The following MMP20 variants were observed in gnomAD, a reference collection of about 807,000 sequenced individuals.
MMP20 encodes matrix metalloproteinase-20.
Under a neutral mutation model 51.8 loss-of-function variants are expected in MMP20, and 50 were observed. The ratio of observed to expected loss-of-function variants is 0.97; its 90% confidence interval spans 0.77 to 1.22. MMP20 has a LOEUF of 1.22. Ranked by LOEUF, MMP20 falls within the 50% of genes most tolerant of loss-of-function variation. The pLI, the probability that MMP20 is intolerant of heterozygous loss-of-function variation, is 0.00. For missense variants in MMP20, 663 were observed against 601.4 expected, an observed-to-expected ratio of 1.10 and a Z score of -1.07; for synonymous variants, 244 against 216.2, an observed-to-expected ratio of 1.13 and a Z score of -1.13.
chr11:102,586,125 G>A (rs1859251933), intron 8 of MMP20, among the ~76,000 whole-genome samples: 1 of 152,148 alleles, frequency 6.6e-6, no homozygotes, highest in South Asian at 2.1e-4. Context: ...GAGTTAGGTA[G>A]TGTTTTCCAC....
intron 6 of MMP20, among the ~76,000 whole-genome samples, chr11:102,601,125 C>CTTTTTTTTTTTTTTTTTTT (rs1168517234): frequency 3.5e-5 from 1 of 28,266 alleles, no homozygotes; most frequent in African/African-American, 1.7e-4. Flanking sequence ...GTCGGCTATT[C>CTTTTTTTTTTTTTTTTTTT]TTTTTTTTTT....
intron 8 of MMP20, among the ~76,000 whole-genome samples, chr11:102,580,252 A>G (rs895691785): frequency 6.6e-6 from 1 of 152,254 alleles, no homozygotes; most frequent in Non-Finnish European, 1.5e-5. Context: ...GTGAGTCAGC[A>G]TGACTTGTAT....
At chr11:102,621,445 T>C (rs1859749821) in intron 1 of MMP20, among the ~76,000 whole-genome samples, 1 of 152,230 alleles carries the variant, frequency 6.6e-6, no homozygotes, top group African/African-American at 2.4e-5. Flanking sequence ...GGCAATTCTT[T>C]TAATTTCTTG....
In MMP20 at chr11:102,611,762, T is replaced by G. The variant is rs751882472; in HGVS notation, c.516A>C (p.Glu172Asp). 1.2e-6 allele frequency: 2 copies of G among 1,613,950 alleles called. No individual in the cohort carries two copies. Among genetic ancestry groups the G allele is most frequent in the East Asian group, 2.2e-5 (1 of 44,892 alleles). ...SGEADIMISF[E>D]NGDHGDSYPF... ...ATCCAAGTACCACAATACCTCCATTTTCAAAAGATATCATAATATCCGCTT... is the reference window on the plus strand; with the variant it reads ...ATCCAAGTACCACAATACCTCCATTGTCAAAAGATATCATAATATCCGCTT... The change falls in exon 3 of 10, where the codon GAA becomes GAC. Residue 172 changes from glutamate to aspartate, a missense_variant. Transcript: ENST00000260228.
chr11:102,597,108 A>G (rs1186741157), intron 6 of MMP20, among the ~76,000 whole-genome samples: 1 of 152,202 alleles, frequency 6.6e-6, no homozygotes, highest in Non-Finnish European at 1.5e-5. Flanking sequence ...GAGGTAGAGG[A>G]GCAGATATGT....
intron 1 of MMP20, among the ~76,000 whole-genome samples, chr11:102,622,879 T>C (rs1224084801): frequency 6.6e-6 from 1 of 152,250 alleles, no homozygotes; most frequent in Non-Finnish European, 1.5e-5. Context: ...TGTTATATAA[T>C]GTTTCTATAA....
intron 1 of MMP20, among the ~76,000 whole-genome samples, chr11:102,618,564 T>C (rs1171779497): frequency 6.6e-6 from 1 of 151,910 alleles, no homozygotes; most frequent in East Asian, 1.9e-4. Flanking sequence ...AAATAAATAT[T>C]TAATGGTATG....
intron 2 of MMP20, 47 bp from the exon 3 acceptor site, chr11:102,611,950 A>T (rs189382069): frequency 6.4e-7 from 1 of 1,570,744 alleles, no homozygotes; most frequent in Non-Finnish European, 8.8e-7. Flanking sequence ...ACTGCTCCGA[A>T]GAAGGCAAGA....
Position 102,613,249 on chromosome 11 carries a change from A to C in MMP20, c.375-1346T>G, listed in dbSNP as rs568554675. On this transcript the variant is annotated intron_variant, in intron 2 of 9. Transcript: ENST00000260228. ...CCAGGGTCTGGGGATTTCTGGCAGC[A>C]CACAAAGGAAAGGCAGGGAGGGCAA... Among the ~76,000 whole-genome samples, 5 of 152,270 alleles carry C rather than the reference A, an allele frequency of 3.3e-5. No individual in the cohort carries two copies. The South Asian group carries it at 1.0e-3, about 32-fold the overall frequency.
chr11:102,604,405 A>T (rs117499439), intron 6 of MMP20, among the ~76,000 whole-genome samples: 4,219 of 152,352 alleles, frequency 0.028, 66 homozygotes, highest in Middle Eastern at 0.065. Context: ...AATCATCAGA[A>T]AATTAATAAC....
At chr11:102,595,982 C>T (rs891937928) in intron 6 of MMP20, among the ~76,000 whole-genome samples, 1 of 152,140 alleles carries the variant, frequency 6.6e-6, no homozygotes, top group African/African-American at 2.4e-5. Context: ...GTAGAGTTTT[C>T]CTATTCAGTT....
chr11:102,594,771 CAAAAAAAAAA>C lies in MMP20; in HGVS notation c.954-24_954-15del, dbSNP rs144425539. The C allele has an allele frequency of 2.1e-6, 3 of 1,403,682 alleles. No individual in the cohort carries two copies. Among genetic ancestry groups the C allele is most frequent in the East Asian group, 2.6e-5 (1 of 38,038 alleles). The allele number at this position is 1,403,682 out of a possible 1,614,324, so 87.0% of individuals were successfully genotyped here. On this transcript the variant is annotated splice_polypyrimidine_tract_variant and intron_variant, in intron 6 of 9. Coordinates refer to ENST00000260228, the MANE Select transcript of MMP20 (RefSeq NM_004771.4). ...CTCCAGAAAATCCTATGGGACATTC[CAAAAAAAAAA>C]AAAAAAAAAATCAAGATCAATGATT...
intron 8 of MMP20, among the ~76,000 whole-genome samples, chr11:102,590,728 C>G (rs532897739): frequency 6.6e-6 from 1 of 152,316 alleles, no homozygotes; most frequent in South Asian, 2.1e-4. Context: ...TATTCCATAA[C>G]TTGAGGCTTG....
chr11:102,600,043 C>T (rs1859427662), intron 6 of MMP20, among the ~76,000 whole-genome samples: 1 of 152,220 alleles, frequency 6.6e-6, no homozygotes. Context: ...GACAATGAGT[C>T]AGGGATGTTA....
intron 5 of MMP20, chr11:102,607,207 A>G (rs568244011): frequency 4.8e-5 from 8 of 165,774 alleles, no homozygotes; most frequent in African/African-American, 1.7e-4. Flanking sequence ...CTAGGCATCC[A>G]GGAAAAACTG....
At chr11:102,621,159 A>C (rs1859745921) in intron 1 of MMP20, among the ~76,000 whole-genome samples, 1 of 152,180 alleles carries the variant, frequency 6.6e-6, no homozygotes, top group Non-Finnish European at 1.5e-5. Context: ...ACTCCTGTAC[A>C]ATGTCAGCAG....
chr11:102,598,123 G>GA (rs1305556230), intron 6 of MMP20, among the ~76,000 whole-genome samples: 5 of 151,994 alleles, frequency 3.3e-5, no homozygotes, highest in Admixed American at 1.3e-4. Context: ...GTAAACTAAT[G>GA]AAAAAAATGA....
chr11:102,607,558 G>A (rs1394205905), intron 5 of MMP20: 2 of 152,406 alleles, frequency 1.3e-5, no homozygotes, highest in Non-Finnish European at 2.9e-5. Flanking sequence ...TAGCATCAAG[G>A]CGAAGATCAG....
chr11:102,609,691 A>G (rs1859568339), intron 4 of MMP20, among the ~76,000 whole-genome samples: 1 of 152,202 alleles, frequency 6.6e-6, no homozygotes, highest in African/African-American at 2.4e-5. Context: ...TCTTCAGATG[A>G]TATGCTATGA....
Sources: allele counts gnomAD v4.1 joint callset (sites outside exome capture counted in the v4.1 genomes callset), GRCh38; gene constraint gnomAD v4.1.1; transcripts MANE v1.5; gene names NCBI Gene and HGNC (gene_info 2026-07-23, HGNC 2026-07-21).